DYNC2I1: variants seen among roughly 807,000 people sequenced by gnomAD.
DYNC2I1 encodes the protein dynein 2 intermediate chain 1, also known as cytoplasmic dynein 2 intermediate chain 1.
In DYNC2I1, 89 loss-of-function variants were observed where a neutral mutation model predicts 133.4. The ratio of observed to expected loss-of-function variants is 0.67; its 90% CI spans 0.56 to 0.80. DYNC2I1 has a LOEUF of 0.80. Ranked by LOEUF, DYNC2I1 falls within the 30% of genes least tolerant of loss-of-function variation. The probability of loss-of-function intolerance (pLI) is 0.00; values close to 1 mark genes in which losing one functional copy is unlikely to be tolerated. For missense variants in DYNC2I1, 1,291 were observed against 1,314.5 expected (o/e 0.98, Z 0.28); for synonymous variants, 504 against 484.3 (o/e 1.04, Z -0.54).
intron 12 of DYNC2I1, 137 bp from the exon 13 acceptor site, chr7:158,912,848 A>C (rs1847623940): frequency 1.6e-6 from 1 of 618,290 alleles, no homozygotes; most frequent in Admixed American, 3.2e-5. Context: ...ACGTTTAAGC[A>C]CAGGTTGTCT....
rs748669204 is a variant in DYNC2I1, at chr7:158,918,786, G to T, written c.1838G>T (p.Ser613Ile). The change falls in exon 15 of 25, where the codon AGC (serine) becomes ATC (isoleucine). Residue 613 changes from serine to isoleucine, a missense_variant. Transcript: ENST00000407559. Reference protein sequence around the residue: ...LEEDRLAAEPSWNLRAQDRAL... With the variant: ...LEEDRLAAEPIWNLRAQDRAL... ...GAGGATCGCTTGGCAGCTGAACCCA[G>T]CTGGAATCTTAGGGCTCAAGACAGG... The T allele has an allele frequency of 6.2e-7, 1 of 1,613,876 alleles. No individual in the cohort carries two copies. The highest frequency in any genetic ancestry group is 1.1e-5 in the South Asian group (1 of 91,084).
At chr7:158,872,798 A>T (rs1468866346) in intron 3 of DYNC2I1, among the ~76,000 whole-genome samples, 1 of 152,146 alleles carries the variant, frequency 6.6e-6, no homozygotes, top group African/African-American at 2.4e-5. Flanking sequence ...GGAGTTCAAG[A>T]CCAGTCTGGC....
intron 8 of DYNC2I1, among the ~76,000 whole-genome samples, chr7:158,893,582 C>T (rs1433481927): frequency 1.3e-5 from 2 of 152,170 alleles, no homozygotes; most frequent in African/African-American, 2.4e-5. Context: ...CTCTTGGTCA[C>T]GTGGCTGCCT....
intron 1 of DYNC2I1, chr7:158,869,383 A>G (rs943960644): frequency 4.4e-6 from 2 of 456,644 alleles, no homozygotes; most frequent in Non-Finnish European, 9.1e-6. Context: ...CAGGAGGACC[A>G]GGCAGAAACC....
chr7:158,952,451 T>C (rs262147), intron 4 of DYNC2I1, among the ~76,000 whole-genome samples: 12,729 of 152,294 alleles, frequency 0.084, 702 homozygotes, highest in Non-Finnish European at 0.12. Flanking sequence ...AGAAGGCCTC[T>C]TCCGTGGCTG....
chr7:158,889,421 G>A (rs192174856), intron 7 of DYNC2I1, among the ~76,000 whole-genome samples: 1 of 152,170 alleles, frequency 6.6e-6, no homozygotes, highest in East Asian at 1.9e-4. Flanking sequence ...AATCCCTCCA[G>A]TTTGGACGAT....
At position 158,901,806 on chromosome 7, in the gene DYNC2I1, A is replaced by G. The variant is rs1247337316; in HGVS notation, c.1127A>G (p.Asp376Gly). 1 of 1,570,838 alleles carries G rather than the reference A, an allele frequency of 6.4e-7. No individual in the cohort carries two copies. The highest frequency in any genetic ancestry group is 2.3e-5 in the East Asian group (1 of 43,566). Residue 376 changes from aspartate (D) to glycine (G), a missense_variant, in exon 9 of 25, where the codon GAT (aspartate) becomes GGT (glycine). Asp to Gly is a moderately conservative substitution (Grantham distance 94). Transcript: ENST00000407559. Reference protein sequence around the residue: ...RADAYTASCEDDFEDYEDDFE... With the variant: ...RADAYTASCEGDFEDYEDDFE... ...GATGCATATACAGCCAGTTGTGAAG[A>G]TGATTTTGAAGTATGTATAAAAGTT...
chr7:158,928,161 G>T (rs993405612), intron 20 of DYNC2I1, among the ~76,000 whole-genome samples: 2 of 152,188 alleles, frequency 1.3e-5, no homozygotes, highest in African/African-American at 4.8e-5. Flanking sequence ...ACCTCTCACA[G>T]GTGGCTGCTC....
intron 4 of DYNC2I1, 75 bp from the exon 5 acceptor site, chr7:158,879,609 A>C (rs1474827671): frequency 6.8e-7 from 1 of 1,466,482 alleles, no homozygotes; most frequent in African/African-American, 1.4e-5. Context: ...TCGTTGCAGA[A>C]CCCACAGAGA....
At chr7:158,947,400 G>A (rs764308315), downstream of DYNC2I1, among the ~76,000 whole-genome samples, 14 of 152,226 alleles carry the variant, frequency 9.2e-5, no homozygotes, top group Non-Finnish European at 1.9e-4. Context: ...CTTATTTAAA[G>A]TTAGAATGAA....
chr7:158,843,561 C>T, the DYNC2I1 span, among the ~76,000 whole-genome samples: 1 of 151,538 alleles, frequency 6.6e-6, no homozygotes, highest in Non-Finnish European at 1.5e-5. Context: ...CACCCAGCCT[C>T]ATTTTTGTAT....
chr7:158,930,702 C>T (rs1348372293), intron 21 of DYNC2I1, among the ~76,000 whole-genome samples, 187 bp downstream of exon 21: 2 of 152,090 alleles, frequency 1.3e-5, no homozygotes, highest in African/African-American at 4.8e-5. Context: ...GAGTTTCACT[C>T]TTGTTGCCCC....
At chr7:158,880,173 A>G (rs951843835) in intron 5 of DYNC2I1, among the ~76,000 whole-genome samples, 184 bp downstream of exon 5, 6 of 152,246 alleles carry the variant, frequency 3.9e-5, no homozygotes, top group African/African-American at 1.2e-4. Flanking sequence ...TCTCCTAAGG[A>G]ATGTGCTGTC....
chr7:158,879,958 C>G lies in DYNC2I1; in HGVS notation c.848C>G (p.Ala283Gly). 6.2e-7 allele frequency: 1 copy of G among 1,602,330 alleles called. No homozygotes were observed. Among genetic ancestry groups the G allele is most frequent in the East Asian group, 2.2e-5 (1 of 44,826 alleles). Residue 283 changes from alanine to glycine, a missense_variant, in exon 5 of 25, where the codon GCA becomes GGA. Transcript: ENST00000407559. ...AACGTGGATAGAAAAGAGAAATCGG[C>G]AAAAGATGAGCCCAGGAAAAGGGAA... The part of the protein sequence containing the change: ...QSNVDRKEKS[A>G]KDEPRKRESQ...
At chr7:158,883,191 T>A (rs1844219305) in intron 5 of DYNC2I1, among the ~76,000 whole-genome samples, 1 of 151,044 alleles carries the variant, frequency 6.6e-6, no homozygotes, top group Admixed American at 6.6e-5. Context: ...TCTCTCTCAC[T>A]TTCTCTATAT....
At chr7:158,957,468 CA>C, downstream of DYNC2I1, among the ~76,000 whole-genome samples, 1 of 152,316 alleles carries the variant, frequency 6.6e-6, no homozygotes, top group African/African-American at 2.4e-5. Context: ...AAAAACCTAC[CA>C]GGTAGCTCCT....
Position 158,866,927 on chromosome 7 carries a change from G to C in DYNC2I1, c.16-2928G>C, listed in dbSNP as rs141040879. Among the ~76,000 whole-genome samples, 258 of 151,042 alleles carry C rather than the reference G, an allele frequency of 1.7e-3. 1 individual carries two copies. The highest frequency in any genetic ancestry group is 5.5e-3 in the African/African-American group (227 of 41,232). On this transcript the variant is annotated intron_variant, in intron 1 of 24. Coordinates refer to ENST00000407559, the MANE Select transcript of DYNC2I1 (RefSeq NM_018051.5). ...TTTAATATATTTATGAGGTATTACA[G>C]CTTTTTTTGTTTGCCCTAATTTTCA...
chr7:158,901,840 C>G (rs771739018), intron 9 of DYNC2I1, 24 bp downstream of exon 9: 1 of 1,475,568 alleles, frequency 6.8e-7, no homozygotes, highest in Non-Finnish European at 9.1e-7. Context: ...TTAAAACTTT[C>G]CTTAGCTTAA....
intron 14 of DYNC2I1, among the ~76,000 whole-genome samples, chr7:158,915,278 G>C (rs374968476): frequency 0.024 from 2,197 of 89,848 alleles, 37 homozygotes; most frequent in African/African-American, 0.094. Flanking sequence ...CCTCGACACG[G>C]TGGTTGAGAT....
Sources: allele counts gnomAD v4.1 joint callset (sites outside exome capture counted in the v4.1 genomes callset), GRCh38; gene constraint gnomAD v4.1.1; transcripts MANE v1.5; gene names NCBI Gene and HGNC (gene_info 2026-07-23, HGNC 2026-07-21).